CD72: variants seen among roughly 807,000 people sequenced by gnomAD.
CD72 encodes CD72 molecule, also known as B-cell differentiation antigen CD72.
CD72 carries 28 observed loss-of-function variants against 50.7 expected under a neutral mutation model. The ratio of observed to expected loss-of-function variants is 0.55; its 90% CI spans 0.41 to 0.76. CD72 has a LOEUF of 0.76. Among genes scored for constraint, CD72 ranks in the 30% least tolerant of loss-of-function variants. The pLI is 0.00. For synonymous variants in CD72, 176 were observed against 171.2 expected (o/e 1.03, Z -0.22); for missense variants, 403 against 420.6 (o/e 0.96, Z 0.37).
chr9:35,616,054 G>C lies in CD72; in HGVS notation c.577C>G (p.Gln193Glu). ...GQLQACQADRQKTKETLQSEE... is the reference protein window; with the variant it reads ...GQLQACQADREKTKETLQSEE... Reference sequence around the variant, plus strand: ...CTTTGCAAGGTCTCCTTCGTCTTCTGTCTGTCTGCCTGGCAGGCCTGTAGC... The same window carrying C: ...CTTTGCAAGGTCTCCTTCGTCTTCTCTCTGTCTGCCTGGCAGGCCTGTAGC... The change falls in exon 5 of 9, where the codon CAG becomes GAG. Residue 193 changes from glutamine (Q) to glutamate (E), a missense_variant. By Grantham distance (29) the Gln-to-Glu change is conservative (BLOSUM62 2). Coordinates refer to ENST00000259633, the MANE Select transcript of CD72 (RefSeq NM_001782.3). 6.2e-7 allele frequency: 1 copy of C among 1,614,126 alleles called. No homozygotes were observed. Among genetic ancestry groups the C allele is most frequent in the Non-Finnish European group, 8.5e-7 (1 of 1,180,032 alleles).
rs865968479 is a variant in CD72 at position 35,617,166 on chromosome 9, G to A, written c.262+10C>T. ...TTGGCCCCGCGGCTGCCCCGCACAG[G>A]CACACTCACAGGGGAGAATCCGCCC... On this transcript the variant is annotated intron_variant, in intron 3 of 8. Transcript: ENST00000259633. 6.4e-7 allele frequency: 1 copy of A among 1,558,944 alleles called. No individual in the cohort carries two copies. Among genetic ancestry groups the A allele is most frequent in the Non-Finnish European group, 8.7e-7 (1 of 1,151,252 alleles).
At chr9:35,638,737 G>A (rs940465356) in intron 1 of CD72, among the ~76,000 whole-genome samples, 6 of 150,824 alleles carry the variant, frequency 4.0e-5, no homozygotes, top group African/African-American at 1.2e-4. Context: ...GCTGACAACC[G>A]CTGGCTTCAT....
chr9:35,628,209 C>G (rs1823213180), intron 1 of CD72, among the ~76,000 whole-genome samples: 1 of 152,194 alleles, frequency 6.6e-6, no homozygotes, highest in African/African-American at 2.4e-5. Context: ...CTCCAGCAAT[C>G]CTCCTGCCTT....
chr9:35,638,952 C>T (rs909090552), intron 1 of CD72, among the ~76,000 whole-genome samples: 3 of 152,186 alleles, frequency 2.0e-5, no homozygotes, highest in South Asian at 2.1e-4. Flanking sequence ...AGCCCAGTTC[C>T]TGGCCCGCTT....
At chr9:35,622,709 C>G (rs1481897698), upstream of CD72, among the ~76,000 whole-genome samples, 3 of 152,028 alleles carry the variant, frequency 2.0e-5, no homozygotes, top group African/African-American at 7.2e-5. Context: ...ATCGCTTAAA[C>G]CCGGGAGGCA....
At chr9:35,638,288 C>T (rs1277399212) in intron 1 of CD72, among the ~76,000 whole-genome samples, 1 of 152,008 alleles carries the variant, frequency 6.6e-6, no homozygotes, top group Non-Finnish European at 1.5e-5. Flanking sequence ...CCTTTTCTAC[C>T]GACCCATCTG....
Position 35,611,936 on chromosome 9 carries a change from A to G in CD72, c.835-17T>C. 8.1e-7 allele frequency: 1 copy of G among 1,237,324 alleles called. No individual in the cohort carries two copies. The highest frequency in any genetic ancestry group is 1.2e-6 in the Non-Finnish European group (1 of 835,984). 76.6% of individuals were successfully genotyped at this position (1,237,324 alleles called of 1,614,324 possible). The stretch of plus-strand genomic sequence containing the variant: ...GTAAGAGTGCTGAGGGGAGATTCAG[A>G]GAGACCAGAGATACATGGAGAGTGA... On this transcript the variant is annotated splice_polypyrimidine_tract_variant and intron_variant, in intron 6 of 8. Transcript: ENST00000259633.
intron 1 of CD72, among the ~76,000 whole-genome samples, chr9:35,645,711 C>T (rs778713745): frequency 7.2e-5 from 11 of 152,164 alleles, no homozygotes; most frequent in Non-Finnish European, 1.5e-4. Flanking sequence ...TTAAAAAACA[C>T]TTGGTTTCTC....
intron 1 of CD72, among the ~76,000 whole-genome samples, chr9:35,637,159 CT>C (rs1424659959): frequency 6.6e-6 from 1 of 152,206 alleles, no homozygotes; most frequent in Non-Finnish European, 1.5e-5. Context: ...GATCTACCCC[CT>C]GCCCGCAAAA....
intron 3 of CD72, 47 bp from the exon 4 acceptor site, chr9:35,616,736 A>G (rs1483292865): frequency 6.7e-7 from 1 of 1,499,192 alleles, no homozygotes; most frequent in Non-Finnish European, 9.3e-7. Flanking sequence ...CCCCGTAAAG[A>G]ATGTAGAGAG....
At chr9:35,644,411 C>T (rs1236642568) in intron 1 of CD72, among the ~76,000 whole-genome samples, 1 of 148,456 alleles carries the variant, frequency 6.7e-6, no homozygotes, top group African/African-American at 2.5e-5. Context: ...CTCCCAATTC[C>T]TCCAGGGCTG....
chr9:35,617,246 C>T lies in CD72; in HGVS notation c.192G>A (p.Ala64=). The change falls in exon 3 of 9, where the codon GCG becomes GCA. Residue 64 remains alanine, a splice_region_variant and synonymous_variant. Coordinates refer to ENST00000259633, the MANE Select transcript of CD72 (RefSeq NM_001782.3). ...LASSVLGDKA[A]VKSEQPTASW... is the part of the protein sequence containing the mutation. ...ACGCAGTTGGCTGCTCCGACTTGAC[C>T]GCTGTCGAGGGGAGCATCCAGTGTG... 2 of 1,551,460 alleles carry T rather than the reference C, an allele frequency of 1.3e-6. No homozygotes were observed. Among genetic ancestry groups the T allele is most frequent in the Non-Finnish European group, 1.7e-6 (2 of 1,147,654 alleles).
chr9:35,618,368 G>A lies in CD72; in HGVS notation c.-65C>T, dbSNP rs575552833. Reference sequence around the variant, plus strand: ...TCCACTGTCCTCCCTTGCCCCTCTCGTCTCTGTCCGTTTACAACTAGGCTC... The same window carrying A: ...TCCACTGTCCTCCCTTGCCCCTCTCATCTCTGTCCGTTTACAACTAGGCTC... On this transcript the variant is annotated 5_prime_UTR_variant, in exon 1 of 9. In the 5' UTR this introduces an upstream ATG that the reference lacks. Transcript: ENST00000259633. 10 of 1,604,038 alleles carry A rather than the reference G, an allele frequency of 6.2e-6. No individual in the cohort carries two copies. The highest frequency in any genetic ancestry group is 4.5e-5 in the East Asian group (2 of 44,600).
At chr9:35,618,868 G>A (rs1317568389), upstream of CD72, 2 of 799,110 alleles carry the variant, frequency 2.5e-6, no homozygotes, top group South Asian at 1.5e-5. Flanking sequence ...GAACAGGCCT[G>A]GGCCAGAGGT....
At chr9:35,640,608 G>A (rs1823330317) in intron 1 of CD72, among the ~76,000 whole-genome samples, 1 of 152,242 alleles carries the variant, frequency 6.6e-6, no homozygotes, top group South Asian at 2.1e-4. Flanking sequence ...TGGGTCAGGA[G>A]CACAGCAGAC....
intron 3 of CD72, chr9:35,616,917 G>C: frequency 7.5e-7 from 1 of 1,340,128 alleles, no homozygotes; most frequent in Non-Finnish European, 9.9e-7. Flanking sequence ...GCGTTACCTG[G>C]GAGAAGGGGA....
At chr9:35,642,293 G>A (rs1314791429) in intron 1 of CD72, among the ~76,000 whole-genome samples, 2 of 152,194 alleles carry the variant, frequency 1.3e-5, no homozygotes, top group African/African-American at 2.4e-5. Flanking sequence ...GTGCACAGTC[G>A]CAGCACTGGC....
chr9:35,617,212 C>A lies in CD72; in HGVS notation c.226G>T (p.Ala76Ser). The change falls in exon 3 of 9, where the codon GCC (alanine) becomes TCC (serine). Residue 76 changes from alanine to serine, a missense_variant. Physicochemically the swap from Ala to Ser is moderately conservative, Grantham distance 99. Coordinates refer to ENST00000259633, the MANE Select transcript of CD72 (RefSeq NM_001782.3). ...CGCCCGACAGCTGGTGACGTCACGGCTCTCCAGGACGCAGTTGGCTGCTCC... is the reference window on the plus strand; with the variant it reads ...CGCCCGACAGCTGGTGACGTCACGGATCTCCAGGACGCAGTTGGCTGCTCC... ...KSEQPTASWR[A>S]VTSPAVGRIL... The A allele has an allele frequency of 6.4e-7, 1 of 1,569,460 alleles. No individual in the cohort carries two copies. Among genetic ancestry groups the A allele is most frequent in the Non-Finnish European group, 8.6e-7 (1 of 1,156,782 alleles).
At chr9:35,612,517 G>A (rs192055821) in intron 6 of CD72, among the ~76,000 whole-genome samples, 5 of 152,100 alleles carry the variant, frequency 3.3e-5, no homozygotes, top group East Asian at 3.9e-4. Context: ...CCCAGGAGGC[G>A]GAGGTTGCAG....
Sources: allele counts gnomAD v4.1 joint callset (sites outside exome capture counted in the v4.1 genomes callset), GRCh38; gene constraint gnomAD v4.1.1; transcripts MANE v1.5; gene names NCBI Gene and HGNC (gene_info 2026-07-23, HGNC 2026-07-21).